HKDC1: variants seen among roughly 807,000 people sequenced by gnomAD.
HKDC1 encodes the protein hexokinase domain containing 1, also known as hexokinase HKDC1.
Under a neutral mutation model 96.6 loss-of-function variants are expected in HKDC1, and 66 were observed. The ratio of observed to expected loss-of-function variants is 0.68; its 90% CI spans 0.56 to 0.84. The LOEUF (loss-of-function observed/expected upper bound fraction) is 0.84. Ranked by LOEUF, HKDC1 falls within the 40% of genes least tolerant of loss-of-function variation. HKDC1 has a pLI of 0.00. For synonymous variants in HKDC1, 466 were observed against 473.1 expected (o/e 0.98, Z 0.20); for missense variants, 1,211 against 1,208.1 (o/e 1.00, Z -0.04).
chr10:69,241,843 A>G (rs545535231), intron 6 of HKDC1, among the ~76,000 whole-genome samples: 9 of 152,242 alleles, frequency 5.9e-5, no homozygotes, highest in Admixed American at 2.0e-4. Flanking sequence ...ATTACTGGGG[A>G]CAAGAGTGGA....
intron 16 of HKDC1, 23 bp from the exon 17 acceptor site, chr10:69,265,562 A>G: frequency 6.2e-7 from 1 of 1,608,216 alleles, no homozygotes; most frequent in Non-Finnish European, 8.5e-7. Flanking sequence ...GCAGGTCCTG[A>G]CTCCCTGCTC....
At chr10:69,250,200 G>A in intron 10 of HKDC1, 90 bp from the exon 11 acceptor site, 7 of 1,434,784 alleles carry the variant, frequency 4.9e-6, no homozygotes, top group Non-Finnish European at 6.7e-6. Context: ...GCAGGCCCTG[G>A]GTCCGCTCTG....
rs779803676 is a variant in HKDC1, at chr10:69,250,614, A to T, written c.1798A>T (p.Thr600Ser). ...GGGAGCCTCCCTACCTTTGGGCTTC[A>T]CATTCTCATTTCCCTGCAGGCAGAT... ...LKGASLPLGFTFSFPCRQMSI... is the reference protein window; with the variant it reads ...LKGASLPLGFSFSFPCRQMSI... Residue 600 changes from threonine to serine, a missense_variant, in exon 12 of 18, where the codon ACA becomes TCA. Transcript: ENST00000354624. 6 of 1,613,854 alleles carry T rather than the reference A, an allele frequency of 3.7e-6. No homozygotes were observed. The Admixed American group carries it at 8.3e-5, about 22-fold the overall frequency.
chr10:69,230,514 C>T (rs1843238300), intron 2 of HKDC1, among the ~76,000 whole-genome samples: 1 of 152,220 alleles, frequency 6.6e-6, no homozygotes, highest in South Asian at 2.1e-4. Flanking sequence ...CCAGCAGTGA[C>T]TTACGAGAAG....
At chr10:69,244,439 G>T (rs1161465623) in intron 7 of HKDC1, among the ~76,000 whole-genome samples, 8 of 152,312 alleles carry the variant, frequency 5.3e-5, no homozygotes, top group African/African-American at 1.9e-4. Flanking sequence ...GTGCTCTAGT[G>T]ACCCATTGCA....
chr10:69,245,941 C>T (rs1410649832), intron 7 of HKDC1, 138 bp from the exon 8 acceptor site: 9 of 1,037,638 alleles, frequency 8.7e-6, no homozygotes, highest in Admixed American at 4.4e-5. Flanking sequence ...TGCCATCCAG[C>T]ACTTTGCGAG....
intron 4 of HKDC1, among the ~76,000 whole-genome samples, chr10:69,237,253 A>C (rs1213342272): frequency 1.3e-5 from 2 of 150,706 alleles, no homozygotes; most frequent in African/African-American, 4.9e-5. Context: ...GGGAACAGAA[A>C]GTCTTAACCA....
At chr10:69,227,137 G>T in intron 1 of HKDC1, 70 bp from the exon 2 acceptor site, 1 of 1,548,914 alleles carries the variant, frequency 6.5e-7, no homozygotes, top group East Asian at 2.3e-5. Flanking sequence ...GAGGGATGTC[G>T]GGGGTTACAG....
At chr10:69,256,716 A>C (rs1421012526) in intron 12 of HKDC1, among the ~76,000 whole-genome samples, 1 of 152,090 alleles carries the variant, frequency 6.6e-6, no homozygotes, top group Non-Finnish European at 1.5e-5. Flanking sequence ...CAAAAAAAAA[A>C]AGAAAGAAAG....
intron 16 of HKDC1, among the ~76,000 whole-genome samples, chr10:69,262,921 C>CA (rs1402940285): frequency 1.4e-5 from 2 of 145,810 alleles, no homozygotes; most frequent in Non-Finnish European, 3.0e-5. Flanking sequence ...CTTTGCCTTG[C>CA]TTTTTTTTTT....
At chr10:69,257,261 C>A (rs1589415896) in intron 13 of HKDC1, 66 bp from the exon 14 acceptor site, 2 of 1,501,666 alleles carry the variant, frequency 1.3e-6, no homozygotes, top group Non-Finnish European at 1.9e-6. Context: ...CCTCCTAAAC[C>A]TGTTTGGCTT....
intron 2 of HKDC1, among the ~76,000 whole-genome samples, chr10:69,227,743 G>C (rs139987043): frequency 6.6e-6 from 1 of 152,290 alleles, no homozygotes; most frequent in African/African-American, 2.4e-5. Context: ...TCACTTTGCT[G>C]TGTCCCCACT....
At chr10:69,254,418 A>G (rs1843690081) in intron 12 of HKDC1, among the ~76,000 whole-genome samples, 1 of 152,218 alleles carries the variant, frequency 6.6e-6, no homozygotes, top group South Asian at 2.1e-4. Flanking sequence ...CATGAAATAC[A>G]TCCACATTTT....
chr10:69,260,859 G>A (rs1232845385), intron 15 of HKDC1, among the ~76,000 whole-genome samples: 5 of 152,178 alleles, frequency 3.3e-5, no homozygotes, highest in African/African-American at 4.8e-5. Context: ...GTAGCACAAA[G>A]CCAAGGAGAA....
At chr10:69,228,554 G>A (rs112228914) in intron 2 of HKDC1, among the ~76,000 whole-genome samples, 4 of 152,276 alleles carry the variant, frequency 2.6e-5, no homozygotes, top group African/African-American at 9.6e-5. Flanking sequence ...GCCTCTGAAT[G>A]AAGCTGTAAG....
chr10:69,267,504 G>A lies in HKDC1; in HGVS notation c.*747G>A. On this transcript the variant is annotated 3_prime_UTR_variant, in exon 18 of 18. Coordinates refer to ENST00000354624, the MANE Select transcript of HKDC1 (RefSeq NM_025130.4). Reference sequence around the variant, plus strand: ...TGATAGTTGTTTTAAGGATTGTTAGGTATAGGAAATCCAGTAAATTAATAA... The same window carrying A: ...TGATAGTTGTTTTAAGGATTGTTAGATATAGGAAATCCAGTAAATTAATAA... 2.2e-6 allele frequency: 1 copy of A among 453,898 alleles called. No individual in the cohort carries two copies. The highest frequency in any genetic ancestry group is 4.4e-6 in the Non-Finnish European group (1 of 226,424). 28.1% of individuals were successfully genotyped at this position (453,898 alleles called of 1,614,324 possible).
chr10:69,247,567 C>T lies in HKDC1; in HGVS notation c.1239C>T (p.Asp413=), dbSNP rs374920951. 5.0e-5 allele frequency: 80 copies of T among 1,613,928 alleles called. No individual in the cohort carries two copies. The highest frequency in any genetic ancestry group is 5.5e-5 in the South Asian group (5 of 91,080). Residue 413 remains aspartate, a synonymous_variant, in exon 9 of 18, where the codon GAC becomes GAT. Transcript: ENST00000354624. Reference sequence around the variant, plus strand: ...GGCTCCGGACCACAGTGGGCATGGACGGCACCCTCTACAAGATACACCCTC... The same window carrying T: ...GGCTCCGGACCACAGTGGGCATGGATGGCACCCTCTACAAGATACACCCTC... ...VERLRTTVGM[D]GTLYKIHPQY...
At chr10:69,221,652 C>A (rs185395582) in intron 1 of HKDC1, among the ~76,000 whole-genome samples, 1 of 152,000 alleles carries the variant, frequency 6.6e-6, no homozygotes, top group African/African-American at 2.4e-5. Flanking sequence ...GGCCAGGCAC[C>A]GTGGCTCACG....
chr10:69,252,019 C>T (rs1422900575), intron 12 of HKDC1, among the ~76,000 whole-genome samples: 1 of 152,146 alleles, frequency 6.6e-6, no homozygotes. Context: ...CTCAGCCTCT[C>T]ATAGTGCTGG....
Sources: allele counts gnomAD v4.1 joint callset (sites outside exome capture counted in the v4.1 genomes callset), GRCh38; gene constraint gnomAD v4.1.1; transcripts MANE v1.5; gene names NCBI Gene and HGNC (gene_info 2026-07-23, HGNC 2026-07-21).